Variants in RALGPS1 observed in about 807,000 individuals in gnomAD.
RALGPS1 encodes the protein ras-specific guanine nucleotide-releasing factor RalGPS1.
A neutral mutation model predicts 78.8 loss-of-function variants in RALGPS1; 19 were observed. That is an observed-to-expected ratio of 0.24 (90% CI 0.17 to 0.35). RALGPS1 has a LOEUF of 0.35. RALGPS1 is among the 10% of genes least tolerant of loss of function. The pLI is 1.00. For synonymous variants in RALGPS1, 228 were observed against 256.3 expected, an observed-to-expected ratio of 0.89 and a Z score of 1.06; for missense variants, 454 against 688.3, an observed-to-expected ratio of 0.66 and a Z score of 3.81.
At chr9:127,146,768 T>C (rs2058119818) in intron 8 of RALGPS1, among the ~76,000 whole-genome samples, 2 of 152,176 alleles carry the variant, frequency 1.3e-5, no homozygotes, top group Non-Finnish European at 2.9e-5. Context: ...GGTCTCAAAC[T>C]CCTGATCTCA....
chr9:127,066,665 A>G (rs1436328434), intron 7 of RALGPS1, among the ~76,000 whole-genome samples: 1 of 152,074 alleles, frequency 6.6e-6, no homozygotes, highest in African/African-American at 2.4e-5. Flanking sequence ...AAAACAAACC[A>G]CAATGGAGCT....
chr9:127,032,345 T>G lies in RALGPS1; in HGVS notation c.217-2086T>G, dbSNP rs374855816. Among the ~76,000 whole-genome samples the G allele has an allele frequency of 2.8e-3, 423 of 151,088 alleles. 2 individuals carry two copies. Among genetic ancestry groups the G allele is most frequent in the African/African-American group, 9.5e-3 (390 of 41,054 alleles). ...TGGAAATAAGACCACAGAGTCTGTA[T>G]TAAATTCACTCATGCACATGTGCGT... On this transcript the variant is annotated intron_variant, in intron 4 of 18. Coordinates refer to ENST00000259351, the MANE Select transcript of RALGPS1 (RefSeq NM_014636.3).
At chr9:126,936,290 C>A (rs2036252073) in intron 1 of RALGPS1, among the ~76,000 whole-genome samples, 1 of 152,178 alleles carries the variant, frequency 6.6e-6, no homozygotes, top group Non-Finnish European at 1.5e-5. Flanking sequence ...ATACTTGCAG[C>A]TGTGGCGCTT....
intron 3 of RALGPS1, among the ~76,000 whole-genome samples, chr9:126,977,338 T>C (rs1331503218): frequency 6.6e-6 from 1 of 152,256 alleles, no homozygotes; most frequent in Non-Finnish European, 1.5e-5. Context: ...TCTACAACTT[T>C]AAAAAATTAC....
At chr9:127,084,009 G>A (rs1336583809) in intron 8 of RALGPS1, among the ~76,000 whole-genome samples, 1 of 152,052 alleles carries the variant, frequency 6.6e-6, no homozygotes, top group Non-Finnish European at 1.5e-5. Context: ...CTCCTGGGCT[G>A]AAGTGAGCCT....
chr9:127,204,884 C>T (rs2061848687), intron 14 of RALGPS1, among the ~76,000 whole-genome samples: 1 of 152,202 alleles, frequency 6.6e-6, no homozygotes, highest in Non-Finnish European at 1.5e-5. Flanking sequence ...TGGTAGATGC[C>T]CAGGTCTGCC....
intron 4 of RALGPS1, among the ~76,000 whole-genome samples, chr9:127,023,736 C>T (rs995190306): frequency 2.0e-5 from 3 of 152,094 alleles, no homozygotes; most frequent in African/African-American, 7.2e-5. Context: ...ATTACTCCAT[C>T]AAAAAGTACA....
intron 8 of RALGPS1, among the ~76,000 whole-genome samples, chr9:127,096,258 G>C (rs1426166647): frequency 6.6e-6 from 1 of 152,262 alleles, no homozygotes; most frequent in Non-Finnish European, 1.5e-5. Context: ...CCCCAGGGAT[G>C]GAGGCAGAGA....
intron 11 of RALGPS1, chr9:127,178,589 T>C: frequency 1.4e-6 from 1 of 695,804 alleles, no homozygotes; most frequent in Non-Finnish European, 1.8e-6. Context: ...CGGGGAAGCC[T>C]TCTCCCCACT....
rs2062315049 is a variant in RALGPS1 at position 127,212,359 on chromosome 9, A to G, written c.1353+123A>G. 1 of 745,172 alleles carries G rather than the reference A, an allele frequency of 1.3e-6. No individual in the cohort carries two copies. Among genetic ancestry groups the G allele is most frequent in the East Asian group, 2.7e-5 (1 of 36,548 alleles). 46.2% of individuals were successfully genotyped at this position (745,172 alleles called of 1,614,324 possible). A position where few individuals can be genotyped will look rare whatever the true frequency, so the allele number is the denominator to read the frequency against. Reference sequence around the variant, plus strand: ...GAGGCTCTGCTTGCAGTGGGCATGCAGCGAGCTGAACTCTCAGGAATTATA... The same window carrying G: ...GAGGCTCTGCTTGCAGTGGGCATGCGGCGAGCTGAACTCTCAGGAATTATA... On this transcript the variant is annotated intron_variant, in intron 15 of 18. Coordinates refer to ENST00000259351, the MANE Select transcript of RALGPS1 (RefSeq NM_014636.3). This position sits in a 1 kb window ranked among gnomAD's most constrained non-coding sequence, Gnocchi z 6.0.
At chr9:127,125,505 CTG>C (rs1164111025) in intron 8 of RALGPS1, among the ~76,000 whole-genome samples, 1 of 152,224 alleles carries the variant, frequency 6.6e-6, no homozygotes, top group African/African-American at 2.4e-5. Context: ...CCCAGGGTTA[CTG>C]TGAGGATTGA....
At chr9:127,025,731 A>G (rs151252771) in intron 4 of RALGPS1, among the ~76,000 whole-genome samples, 1 of 151,528 alleles carries the variant, frequency 6.6e-6, no homozygotes, top group Non-Finnish European at 1.5e-5. Context: ...TTGTTCTGTC[A>G]TCCAGGCTGG....
At chr9:126,958,360 A>C (rs1168486699) in intron 1 of RALGPS1, among the ~76,000 whole-genome samples, 1 of 151,944 alleles carries the variant, frequency 6.6e-6, no homozygotes, top group Non-Finnish European at 1.5e-5. Flanking sequence ...TTTAGAGCTA[A>C]CTGCCACCAC....
At chr9:127,197,640 T>C (rs990441334) in intron 13 of RALGPS1, among the ~76,000 whole-genome samples, 5 of 152,190 alleles carry the variant, frequency 3.3e-5, no homozygotes, top group African/African-American at 1.2e-4. Flanking sequence ...CTGACAAGCA[T>C]GTTCTGTGTC....
At chr9:127,109,982 C>T (rs139431407) in intron 8 of RALGPS1, among the ~76,000 whole-genome samples, 31 of 152,324 alleles carry the variant, frequency 2.0e-4, no homozygotes, top group Middle Eastern at 3.4e-3. Flanking sequence ...CAGTCCTCAC[C>T]GTCTCCCCAA....
intron 13 of RALGPS1, among the ~76,000 whole-genome samples, chr9:127,196,832 CT>C (rs1240248093): frequency 2.0e-5 from 3 of 152,240 alleles, no homozygotes; most frequent in South Asian, 2.1e-4. Context: ...GCCTCGTGGG[CT>C]TCATGAAGAG....
At chr9:127,192,531 T>C (rs2061125880) in intron 11 of RALGPS1, among the ~76,000 whole-genome samples, 1 of 152,046 alleles carries the variant, frequency 6.6e-6, no homozygotes, top group Admixed American at 6.5e-5. Flanking sequence ...CCTCCTGTGA[T>C]CCCAGCTACT....
chr9:126,980,109 G>C (rs2041103267), intron 4 of RALGPS1, among the ~76,000 whole-genome samples: 1 of 152,194 alleles, frequency 6.6e-6, no homozygotes, highest in African/African-American at 2.4e-5. Flanking sequence ...CAAAACTGTG[G>C]TCAAAGGAAG....
rs1017434072 is a variant in RALGPS1 at position 127,205,169 on chromosome 9, T to A, written c.1247+6103T>A. Among the ~76,000 whole-genome samples, 1 of 152,216 alleles carries A rather than the reference T, an allele frequency of 6.6e-6. No homozygotes were observed. Among genetic ancestry groups the A allele is most frequent in the Admixed American group, 6.5e-5 (1 of 15,286 alleles). ...TTCAGTGCTCTGGACAGTTGGCCTA[T>A]CTCTCCTGCATGAGACTCAGAGACA... On this transcript the variant is annotated intron_variant, in intron 14 of 18. Coordinates refer to ENST00000259351, the MANE Select transcript of RALGPS1 (RefSeq NM_014636.3). This position sits in a 1 kb window ranked among gnomAD's most constrained non-coding sequence, Gnocchi z 4.0.
Sources: gnomAD v4.1 joint callset for allele counts (sites outside exome capture counted in the v4.1 genomes callset) on GRCh38, gnomAD v4.1.1 for gene constraint, Gnocchi (gnomAD v3.1) non-coding constraint, MANE v1.5 for transcripts, NCBI Gene and HGNC (gene_info 2026-07-23, HGNC 2026-07-21) for gene names.